Variants in NMU observed in about 807,000 individuals in gnomAD.
NMU encodes the protein neuromedin-U.
A neutral mutation model predicts 35.4 loss-of-function variants in NMU; 29 were observed. That is an observed-to-expected ratio of 0.82 (90% confidence interval 0.61 to 1.12). NMU has a LOEUF of 1.12. Among genes scored for constraint, NMU ranks in the 50% most tolerant of loss-of-function variants. The probability of loss-of-function intolerance (pLI) is 0.00; values close to 1 mark genes in which losing one functional copy is unlikely to be tolerated. For synonymous variants in NMU, 78 were observed against 81.3 expected (o/e 0.96, Z 0.22); for missense variants, 199 against 206.2 (o/e 0.97, Z 0.21).
chr4:55,597,569 T>C (rs140733139), intron 9 of NMU, among the ~76,000 whole-genome samples: 3,299 of 152,206 alleles, frequency 0.022, 104 homozygotes, highest in African/African-American at 0.075. Context: ...GATTTCTCCA[T>C]GTTGGTCAGG....
chr4:55,601,239 T>C (rs1377689870), intron 7 of NMU, among the ~76,000 whole-genome samples: 1 of 152,156 alleles, frequency 6.6e-6, no homozygotes, highest in Non-Finnish European at 1.5e-5. Flanking sequence ...TAACATTTTA[T>C]GGTTTCCATA....
At chr4:55,617,152 C>G (rs1057410538) in intron 2 of NMU, among the ~76,000 whole-genome samples, 1 of 152,038 alleles carries the variant, frequency 6.6e-6, no homozygotes, top group Non-Finnish European at 1.5e-5. Context: ...AGGTTGAGTC[C>G]TATTCATGGT....
intron 1 of NMU, among the ~76,000 whole-genome samples, chr4:55,633,076 G>A (rs1477887929): frequency 6.6e-6 from 1 of 151,630 alleles, no homozygotes; most frequent in African/African-American, 2.4e-5. Flanking sequence ...TGTAATCCCA[G>A]CACTTTGAGA....
At chr4:55,598,212 C>T (rs1733278953) in intron 9 of NMU, among the ~76,000 whole-genome samples, 2 of 151,356 alleles carry the variant, frequency 1.3e-5, no homozygotes, top group African/African-American at 2.4e-5. Context: ...CCATCTCAGC[C>T]TCTGAAGTAG....
intron 8 of NMU, among the ~76,000 whole-genome samples, chr4:55,599,532 G>A (rs1279509301): frequency 6.6e-6 from 1 of 152,056 alleles, no homozygotes; most frequent in Admixed American, 6.5e-5. Context: ...TGAAGTCAGG[G>A]CTGTTTAGCT....
chr4:55,618,998 T>C (rs1201574546), intron 2 of NMU, among the ~76,000 whole-genome samples: 1 of 151,448 alleles, frequency 6.6e-6, no homozygotes, highest in African/African-American at 2.4e-5. Context: ...ACCTCCTGAG[T>C]AGCTGGGACC....
intron 2 of NMU, among the ~76,000 whole-genome samples, chr4:55,619,254 C>T (rs973843858): frequency 4.0e-5 from 6 of 149,106 alleles, no homozygotes; most frequent in African/African-American, 1.2e-4. Context: ...TCTGAGGTAC[C>T]GGGTTCATCT....
In NMU at chr4:55,633,095, C is replaced by A. The variant is rs998530683; in HGVS notation, c.113-2635G>T. On this transcript the variant is annotated intron_variant, in intron 1 of 9. Transcript: ENST00000264218. ...ATCCCAGCACTTTGAGAGGCCAAGG[C>A]GGGCATATCACCAGGTCAGGAGATT... Among the ~76,000 whole-genome samples the A allele has an allele frequency of 2.0e-5, 3 of 151,816 alleles. No individual in the cohort carries two copies. The East Asian group carries it at 5.8e-4, about 29-fold the overall frequency.
chr4:55,603,713 C>A (rs1733521184), intron 7 of NMU, among the ~76,000 whole-genome samples: 2 of 151,238 alleles, frequency 1.3e-5, no homozygotes. Context: ...GAGATCGAGA[C>A]CATCCTGGCT....
chr4:55,628,822 T>G (rs549302391), intron 2 of NMU, among the ~76,000 whole-genome samples: 1 of 152,122 alleles, frequency 6.6e-6, no homozygotes, highest in South Asian at 2.1e-4. Context: ...CTGTTTTTTT[T>G]TAATTTTCCC....
rs771827939 is a variant in NMU at position 55,607,484 on chromosome 4, T to C, written c.280-18A>G. 3.0e-5 allele frequency: 25 copies of C among 845,674 alleles called. No homozygotes were observed. In the East Asian group the frequency reaches 5.7e-4, roughly 19 times the overall value. 52.4% of individuals were successfully genotyped at this position (845,674 alleles called of 1,614,324 possible). A position where few individuals can be genotyped will look rare whatever the true frequency, so the allele number is the denominator to read the frequency against. On this transcript the variant is annotated intron_variant, in intron 4 of 9. Coordinates refer to ENST00000264218, the MANE Select transcript of NMU (RefSeq NM_006681.4). ...TCTTGTTCCTATTGAAAAGAGATAT[T>C]GTATATATCATTATATATTGTAAAA...
chr4:55,611,732 T>G (rs914571193), intron 3 of NMU, among the ~76,000 whole-genome samples: 2 of 152,250 alleles, frequency 1.3e-5, no homozygotes, highest in Non-Finnish European at 2.9e-5. Context: ...TGTACAGGTT[T>G]GTAGCCATAT....
intron 8 of NMU, 147 bp from the exon 9 acceptor site, chr4:55,599,328 A>AG: frequency 1.5e-6 from 1 of 655,226 alleles, no homozygotes; most frequent in East Asian, 2.8e-5. Context: ...TGGACCCCAT[A>AG]GCCAGAATTT....
chr4:55,603,998 C>CATGT lies in NMU; in HGVS notation c.435+1276_435+1277insACAT, dbSNP rs1491352065. Among the ~76,000 whole-genome samples the CATGT allele has an allele frequency of 2.3e-3, 20 of 8,870 alleles. No individual in the cohort carries two copies. The East Asian group carries it at 0.15, about 67-fold the overall frequency. 5.8% of individuals were successfully genotyped at this position (8,870 alleles called of 152,430 possible). On this transcript the variant is annotated intron_variant, in intron 7 of 9. Coordinates refer to ENST00000264218, the MANE Select transcript of NMU (RefSeq NM_006681.4). ...ATATGTATATATGTGTATATATATACGTATATATGTATATATGTGTATATA... is the reference window on the plus strand; with the variant it reads ...ATATGTATATATGTGTATATATATACATGTGTATATATGTATATATGTGTATATA...
chr4:55,630,472 G>A lies in NMU; in HGVS notation c.113-12C>T, dbSNP rs753562470. The A allele has an allele frequency of 5.0e-6, 8 of 1,600,702 alleles. No homozygotes were observed. Among genetic ancestry groups the A allele is most frequent in the Non-Finnish European group, 6.8e-6 (8 of 1,168,502 alleles). On this transcript the variant is annotated splice_polypyrimidine_tract_variant and intron_variant, in intron 1 of 9. Transcript: ENST00000264218. Reference sequence around the variant, plus strand: ...TAATATTGGAGCACCTAAAAATAAAGTTGTAGCCACAGATTAATTTTATAG... The same window carrying A: ...TAATATTGGAGCACCTAAAAATAAAATTGTAGCCACAGATTAATTTTATAG...
chr4:55,605,373 TG>T, intron 6 of NMU, 24 bp from the exon 7 acceptor site: 1 of 1,567,670 alleles, frequency 6.4e-7, no homozygotes. Flanking sequence ...AACACACACG[TG>T]AATAAGTGCA....
chr4:55,631,553 A>G (rs553697083), intron 1 of NMU, among the ~76,000 whole-genome samples: 1 of 152,222 alleles, frequency 6.6e-6, no homozygotes, highest in East Asian at 1.9e-4. Context: ...CAGCCAACAA[A>G]CATATGAAAA....
chr4:55,611,207 C>T (rs976181539), intron 3 of NMU, among the ~76,000 whole-genome samples: 11 of 151,744 alleles, frequency 7.2e-5, no homozygotes, highest in African/African-American at 2.4e-4. Context: ...ACAAAAAACA[C>T]AAAAAATTAG....
intron 2 of NMU, among the ~76,000 whole-genome samples, chr4:55,618,262 T>C (rs1241699289): frequency 6.6e-6 from 1 of 152,224 alleles, no homozygotes; most frequent in Non-Finnish European, 1.5e-5. Flanking sequence ...GCAGGTTTGT[T>C]ACATAGGTAT....
Sources: gnomAD v4.1 joint callset for allele counts (sites outside exome capture counted in the v4.1 genomes callset) on GRCh38, gnomAD v4.1.1 for gene constraint, MANE v1.5 for transcripts, NCBI Gene and HGNC (gene_info 2026-07-23, HGNC 2026-07-21) for gene names.